TLN2: variants seen among roughly 807,000 people sequenced by gnomAD.
The protein encoded by TLN2 is talin 2, also known as talin-2.
A neutral mutation model predicts 294.7 loss-of-function variants in TLN2; 118 were observed. That is an observed-to-expected ratio of 0.40 (90% CI 0.34 to 0.47). The LOEUF (loss-of-function observed/expected upper bound fraction) is 0.47, where lower values mean the gene tolerates loss of function less well. Among genes scored for constraint, TLN2 ranks in the 20% least tolerant of loss-of-function variants. TLN2 has a pLI of 0.84. For synonymous variants in TLN2, 1,431 were observed against 1,304.5 expected (o/e 1.10, Z -2.09); for missense variants, 3,083 against 3,282.2 (o/e 0.94, Z 1.48).
Position 62,786,285 on chromosome 15 carries a change from G to A in TLN2, c.5736+2395G>A, listed in dbSNP as rs965658511. Among the ~76,000 whole-genome samples the A allele has an allele frequency of 4.6e-5, 7 of 152,294 alleles. No individual in the cohort carries two copies. In the East Asian group the frequency reaches 9.6e-4, roughly 21 times the overall value. ...GGGGAAATAAGGAGCTGCTCCCTTC[G>A]CTGCAGTCCCGCAGTCCGCTATGCA... On this transcript the variant is annotated intron_variant, in intron 45 of 58. Coordinates refer to ENST00000636159, the MANE Select transcript of TLN2 (RefSeq NM_015059.3).
At chr15:62,715,440 A>C (rs1016337848) in intron 22 of TLN2, among the ~76,000 whole-genome samples, 28 of 152,232 alleles carry the variant, frequency 1.8e-4, no homozygotes, top group African/African-American at 6.3e-4. Context: ...CTTGATTGCT[A>C]CTGTTATAGT....
chr15:62,743,210 C>T (rs532170024), intron 32 of TLN2, among the ~76,000 whole-genome samples: 1 of 152,266 alleles, frequency 6.6e-6, no homozygotes, highest in African/African-American at 2.4e-5. Context: ...CCTCAGTCCT[C>T]TGTCCTCCTT....
intron 32 of TLN2, among the ~76,000 whole-genome samples, chr15:62,747,902 A>G (rs1041097252): frequency 6.6e-6 from 1 of 152,202 alleles, no homozygotes; most frequent in African/African-American, 2.4e-5. Context: ...GTGGAAGTGG[A>G]TCATCATAAA....
intron 21 of TLN2, among the ~76,000 whole-genome samples, chr15:62,711,648 T>C (rs1165106374): frequency 6.6e-6 from 1 of 152,254 alleles, no homozygotes; most frequent in Non-Finnish European, 1.5e-5. Flanking sequence ...ATAGTGTTCC[T>C]CTTTGGCTGC....
intron 1 of TLN2, among the ~76,000 whole-genome samples, chr15:62,484,581 A>G (rs2038284423): frequency 1.3e-5 from 2 of 152,042 alleles, no homozygotes; most frequent in Admixed American, 6.6e-5. Context: ...TGCTACCACC[A>G]CGCCCGGCTA....
chr15:62,804,646 C>T (rs1005082098), intron 50 of TLN2, among the ~76,000 whole-genome samples: 1 of 152,156 alleles, frequency 6.6e-6, no homozygotes, highest in Non-Finnish European at 1.5e-5. Context: ...AAGGACTCTA[C>T]GTGTGGCCTT....
At chr15:62,580,546 T>A (rs2044868399) in intron 1 of TLN2, among the ~76,000 whole-genome samples, 1 of 151,902 alleles carries the variant, frequency 6.6e-6, no homozygotes, top group African/African-American at 2.4e-5. Flanking sequence ...GAGTAGCCGG[T>A]ACTATAGGCG....
Position 62,792,623 on chromosome 15 carries a change from C to T in TLN2, c.5737-18C>T. On this transcript the variant is annotated intron_variant, in intron 45 of 58. Coordinates refer to ENST00000636159, the MANE Select transcript of TLN2 (RefSeq NM_015059.3). ...TCCATCACGCTTCTCCTTCCCCATC[C>T]TGGGCTTGCCTCTGCAGATCGGATT... The T allele has an allele frequency of 6.2e-7, 1 of 1,610,258 alleles. No homozygotes were observed. Among genetic ancestry groups the T allele is most frequent in the Non-Finnish European group, 8.5e-7 (1 of 1,178,392 alleles).
intron 11 of TLN2, among the ~76,000 whole-genome samples, chr15:62,685,891 A>G (rs77993478): frequency 0.014 from 2,175 of 152,224 alleles, 61 homozygotes; most frequent in African/African-American, 0.048. Flanking sequence ...TGAGTTAAGC[A>G]TATTAATCGT....
At chr15:62,815,804 T>C (rs1337110567) in intron 52 of TLN2, among the ~76,000 whole-genome samples, 1 of 152,250 alleles carries the variant, frequency 6.6e-6, no homozygotes, top group African/African-American at 2.4e-5. Flanking sequence ...TAACAGTTTA[T>C]CCTATTTGCT....
chr15:62,502,301 A>G (rs1277678042), intron 1 of TLN2, among the ~76,000 whole-genome samples: 1 of 152,258 alleles, frequency 6.6e-6, no homozygotes, highest in African/African-American at 2.4e-5. Context: ...AATGCTTTCA[A>G]AACATGGAGT....
Position 62,697,570 on chromosome 15 carries a change from C to T in TLN2, c.1293-118C>T, listed in dbSNP as rs936231682. On this transcript the variant is annotated intron_variant, in intron 14 of 58. Transcript: ENST00000636159. ...TTCCTGCTTCTCAGTCTGTATGTGC[C>T]TCTTTTAGTTGGCCTTCACAGCATA... 4.4e-5 allele frequency: 49 copies of T among 1,114,180 alleles called. No homozygotes were observed. In the African/African-American group the frequency reaches 6.8e-4, roughly 15 times the overall value. 69.0% of individuals were successfully genotyped at this position (1,114,180 alleles called of 1,614,324 possible). A position where few individuals can be genotyped will look rare whatever the true frequency, so the allele number is the denominator to read the frequency against.
At chr15:62,826,326 G>T (rs551238231) in intron 54 of TLN2, among the ~76,000 whole-genome samples, 2 of 152,202 alleles carry the variant, frequency 1.3e-5, no homozygotes, top group South Asian at 4.1e-4. Context: ...TAATCATGCA[G>T]GTGCGGACCT....
At chr15:62,552,993 G>A (rs182730515) in intron 1 of TLN2, among the ~76,000 whole-genome samples, 3 of 152,096 alleles carry the variant, frequency 2.0e-5, no homozygotes, top group Admixed American at 1.3e-4. Flanking sequence ...AGGATCTCAC[G>A]TGATATGTGA....
In TLN2 at chr15:62,833,450, AAG is replaced by A. The variant is rs2069094952; in HGVS notation, c.7003-51_7003-50del. On this transcript the variant is annotated intron_variant, in intron 54 of 58. Coordinates refer to ENST00000636159, the MANE Select transcript of TLN2 (RefSeq NM_015059.3). ...ACCCGGCAGTAAGTAGTTTGGAAGAAAGAGCCCTTTGTGGATATGAATTGAAT... is the reference window on the plus strand; with the variant it reads ...ACCCGGCAGTAAGTAGTTTGGAAGAAAGCCCTTTGTGGATATGAATTGAAT... 110 of 1,590,816 alleles carry A rather than the reference AAG, an allele frequency of 6.9e-5. 3 individuals carry two copies. The South Asian group carries it at 1.2e-3, about 17-fold the overall frequency.
In TLN2 at chr15:62,708,672, C is replaced by T. The variant is rs779128054; in HGVS notation, c.2343C>T (p.Leu781=). The T allele has an allele frequency of 2.5e-6, 4 of 1,614,032 alleles. No individual in the cohort carries two copies. The highest frequency in any genetic ancestry group is 4.5e-5 in the East Asian group (2 of 44,890). Reference sequence around the variant, plus strand: ...CGGCCAGCGTGGTCAGCCAGGCCCTCCATGATCTCCTGCAGCATGTGCGGC... The same window carrying T: ...CGGCCAGCGTGGTCAGCCAGGCCCTTCATGATCTCCTGCAGCATGTGCGGC... ...SAAASVVSQA[L]HDLLQHVRQF... The change falls in exon 21 of 59, where the codon CTC becomes CTT. Residue 781 remains leucine (L), a synonymous_variant. Coordinates refer to ENST00000636159, the MANE Select transcript of TLN2 (RefSeq NM_015059.3).
chr15:62,498,823 G>A (rs932193498), intron 1 of TLN2, among the ~76,000 whole-genome samples: 6 of 151,974 alleles, frequency 3.9e-5, no homozygotes, highest in Non-Finnish European at 8.8e-5. Flanking sequence ...GTCTGTGAAT[G>A]ACATGAAAAA....
At chr15:62,489,068 G>C (rs2038565853) in intron 1 of TLN2, among the ~76,000 whole-genome samples, 2 of 152,188 alleles carry the variant, frequency 1.3e-5, no homozygotes. Context: ...GGCTGAGGCA[G>C]GAGAATCACT....
Position 62,695,432 on chromosome 15 carries a change from C to G in TLN2, c.1292+1040C>G, listed in dbSNP as rs1227645870. On this transcript the variant is annotated intron_variant, in intron 14 of 58. Transcript: ENST00000636159. Reference sequence around the variant, plus strand: ...GGCAGTGGAGGAGGCTACAGTGGTCCCAGGCAGGATCTATCTTTCCCAGTC... The same window carrying G: ...GGCAGTGGAGGAGGCTACAGTGGTCGCAGGCAGGATCTATCTTTCCCAGTC... Among the ~76,000 whole-genome samples, 4 of 152,066 alleles carry G rather than the reference C, an allele frequency of 2.6e-5. No homozygotes were observed. In the East Asian group the frequency reaches 7.7e-4, roughly 29 times the overall value.
Sources: allele counts gnomAD v4.1 joint callset (sites outside exome capture counted in the v4.1 genomes callset), GRCh38; gene constraint gnomAD v4.1.1; transcripts MANE v1.5; gene names NCBI Gene and HGNC (gene_info 2026-07-23, HGNC 2026-07-21).